Variants in OR1J2 observed in about 807,000 individuals in gnomAD.
OR1J2 encodes the protein olfactory receptor family 1 subfamily J member 2.
For synonymous variants in OR1J2, 142 were observed against 99.7 expected, an observed-to-expected ratio of 1.42 and a Z score of -2.52; for missense variants, 304 against 246.1, an observed-to-expected ratio of 1.24 and a Z score of -1.57.
At chr9:122,473,951 C>T in the OR1J2 span, among the ~76,000 whole-genome samples, 1 of 152,172 alleles carries the variant, frequency 6.6e-6, no homozygotes, top group African/African-American at 2.4e-5. Flanking sequence ...ATTAGCCGAG[C>T]AAGATGGTAT....
the OR1J2 span, among the ~76,000 whole-genome samples, chr9:122,463,736 G>A: frequency 1.3e-5 from 2 of 152,126 alleles, no homozygotes; most frequent in African/African-American, 4.8e-5. Context: ...TGGGCTCTGG[G>A]CTGGTATAGG....
At chr9:122,497,199 C>T in the OR1J2 span, among the ~76,000 whole-genome samples, 1 of 152,158 alleles carries the variant, frequency 6.6e-6, no homozygotes, top group African/African-American at 2.4e-5. Flanking sequence ...CCAGTTCCTT[C>T]AAAGGGTCTG....
At chr9:122,452,039 C>T in the OR1J2 span, among the ~76,000 whole-genome samples, 45 of 152,230 alleles carry the variant, frequency 3.0e-4, no homozygotes, top group African/African-American at 7.9e-4. Flanking sequence ...CCACCACGCC[C>T]GGCTAATTTT....
the OR1J2 span, among the ~76,000 whole-genome samples, chr9:122,520,388 C>T: frequency 1.3e-5 from 2 of 152,130 alleles, no homozygotes; most frequent in Non-Finnish European, 2.9e-5. Context: ...AACAGGATTC[C>T]CTTGCCATAG....
chr9:122,449,825 A>G, the OR1J2 span, among the ~76,000 whole-genome samples: 1 of 152,192 alleles, frequency 6.6e-6, no homozygotes, highest in Non-Finnish European at 1.5e-5. Flanking sequence ...TAGATCGGGT[A>G]TGCTGTACAT....
At chr9:122,514,476 C>G (rs1366234265), downstream of OR1J2, among the ~76,000 whole-genome samples, 1 of 152,122 alleles carries the variant, frequency 6.6e-6, no homozygotes, top group Non-Finnish European at 1.5e-5. Flanking sequence ...TTGATGCCTT[C>G]GTAGTATTCC....
the OR1J2 span, among the ~76,000 whole-genome samples, chr9:122,564,081 G>A: frequency 3.9e-5 from 6 of 152,170 alleles, no homozygotes; most frequent in Admixed American, 1.3e-4. Context: ...ATTGGGAAAA[G>A]GGAAATGATC....
At chr9:122,471,759 A>T in the OR1J2 span, among the ~76,000 whole-genome samples, 1 of 152,196 alleles carries the variant, frequency 6.6e-6, no homozygotes, top group East Asian at 1.9e-4. Flanking sequence ...GCCCAGCTAG[A>T]AAATTCCCCC....
downstream of OR1J2, among the ~76,000 whole-genome samples, chr9:122,514,312 G>C (rs189598525): frequency 3.3e-4 from 50 of 152,118 alleles, no homozygotes; most frequent in African/African-American, 1.1e-3. Flanking sequence ...AGTGTCTATT[G>C]CTCCCATCTT....
At chr9:122,461,018 T>C in the OR1J2 span, among the ~76,000 whole-genome samples, 7 of 152,190 alleles carry the variant, frequency 4.6e-5, no homozygotes, top group Admixed American at 3.3e-4. Context: ...TTTTGATGGG[T>C]CTTTAGGGTT....
At chr9:122,551,515 A>G in the OR1J2 span, among the ~76,000 whole-genome samples, 1 of 152,296 alleles carries the variant, frequency 6.6e-6, no homozygotes, top group African/African-American at 2.4e-5. Flanking sequence ...TTCTTCTTCA[A>G]TGCAGTTTTA....
the OR1J2 span, among the ~76,000 whole-genome samples, chr9:122,473,795 A>G: frequency 6.6e-6 from 1 of 152,194 alleles, no homozygotes; most frequent in Non-Finnish European, 1.5e-5. Context: ...CTTTTGTATA[A>G]TGGTATGATA....
At chr9:122,495,334 TG>T in the OR1J2 span, among the ~76,000 whole-genome samples, 3 of 152,304 alleles carry the variant, frequency 2.0e-5, no homozygotes, top group African/African-American at 7.2e-5. Context: ...TTCTTAGGTT[TG>T]GACATTTAAC....
the OR1J2 span, among the ~76,000 whole-genome samples, chr9:122,575,495 A>G: frequency 6.6e-6 from 1 of 152,104 alleles, no homozygotes; most frequent in Non-Finnish European, 1.5e-5. Flanking sequence ...AGAGTTGTTC[A>G]TAGTATTTCT....
chr9:122,545,528 A>G, the OR1J2 span, among the ~76,000 whole-genome samples: 4 of 152,122 alleles, frequency 2.6e-5, no homozygotes, highest in African/African-American at 9.7e-5. Context: ...TTATTATTGT[A>G]TCTTCAGGAT....
At chr9:122,496,831 G>C in the OR1J2 span, among the ~76,000 whole-genome samples, 6 of 152,214 alleles carry the variant, frequency 3.9e-5, no homozygotes, top group Non-Finnish European at 2.9e-5. Context: ...GAGCAGAGGG[G>C]TGACTTTGAA....
chr9:122,570,313 C>G, the OR1J2 span, among the ~76,000 whole-genome samples: 18 of 152,286 alleles, frequency 1.2e-4, no homozygotes, highest in African/African-American at 3.8e-4. Flanking sequence ...AAAATTGTTC[C>G]TATTTCTCCA....
At chr9:122,569,822 C>A in the OR1J2 span, among the ~76,000 whole-genome samples, 6 of 151,962 alleles carry the variant, frequency 3.9e-5, no homozygotes, top group Admixed American at 1.3e-4. Context: ...AAAGCTATCC[C>A]TCCCCCCTGC....
upstream of OR1J2, among the ~76,000 whole-genome samples, chr9:122,508,026 C>A (rs1429327902): frequency 6.6e-6 from 1 of 151,674 alleles, no homozygotes; most frequent in African/African-American, 2.4e-5. Context: ...GATGACCAAG[C>A]CTATCTTATT....
Sources: allele counts gnomAD v4.1 joint callset (sites outside exome capture counted in the v4.1 genomes callset), GRCh38; gene constraint gnomAD v4.1.1; transcripts MANE v1.5; gene names NCBI Gene and HGNC (gene_info 2026-07-23, HGNC 2026-07-21).